Variants in INTS9 observed in about 807,000 individuals in gnomAD.
The protein encoded by INTS9 is integrator complex subunit 9, also known as protein related to CPSF subunits of 74 kDa.
A neutral mutation model predicts 79.7 loss-of-function variants in INTS9; 55 were observed. The observed-to-expected ratio is 0.69, with a 90% CI of 0.56 to 0.86. The LOEUF is 0.86. Among genes scored for constraint, INTS9 ranks in the 40% least tolerant of loss-of-function variants. The probability of loss-of-function intolerance (pLI) is 0.00; values close to 1 mark genes in which losing one functional copy is unlikely to be tolerated. For missense variants in INTS9, 721 were observed against 831.5 expected (o/e 0.87, Z 1.64); for synonymous variants, 319 against 325.2 (o/e 0.98, Z 0.20).
At chr8:28,827,150 T>C (rs1806193885) in intron 6 of INTS9, among the ~76,000 whole-genome samples, 1 of 152,188 alleles carries the variant, frequency 6.6e-6, no homozygotes, top group African/African-American at 2.4e-5. Flanking sequence ...AGGGAACTAG[T>C]TCTGTTTTTT....
intron 1 of INTS9, among the ~76,000 whole-genome samples, chr8:28,863,509 C>G (rs1808564480): frequency 6.6e-6 from 1 of 152,218 alleles, no homozygotes; most frequent in Non-Finnish European, 1.5e-5. Context: ...GGCGTGGTAG[C>G]TCACTCCTGT....
At chr8:28,830,126 AG>A (rs565873581) in intron 6 of INTS9, among the ~76,000 whole-genome samples, 5 of 152,294 alleles carry the variant, frequency 3.3e-5, no homozygotes, top group African/African-American at 1.2e-4. Flanking sequence ...TCCGTGAACT[AG>A]ATAGCAAAAA....
At chr8:28,884,809 C>T (rs1810098893) in intron 1 of INTS9, among the ~76,000 whole-genome samples, 1 of 152,180 alleles carries the variant, frequency 6.6e-6, no homozygotes, top group Non-Finnish European at 1.5e-5. Flanking sequence ...ACAATTTGTA[C>T]TGCAATAGTT....
chr8:28,769,189 CTG>C (rs1563234915), intron 16 of INTS9, among the ~76,000 whole-genome samples: 1 of 152,140 alleles, frequency 6.6e-6, no homozygotes, highest in Non-Finnish European at 1.5e-5. Context: ...AAGTCGGCAA[CTG>C]TGATATTTAC....
rs1162385484 is a variant in INTS9, at chr8:28,865,699, T to C, written c.10-6136A>G. On this transcript the variant is annotated intron_variant, in intron 1 of 16. Transcript: ENST00000521022. ...GGTGTTTTAAGCTGCTATTAAAATA[T>C]TCTCTTTGTTGTTGGTGCTCTGATT... 2.0e-5 allele frequency among the ~76,000 whole-genome samples: 3 copies of C among 152,174 alleles called. 1 individual carries two copies. Among genetic ancestry groups the C allele is most frequent in the Non-Finnish European group, 4.4e-5 (3 of 68,038 alleles).
intron 9 of INTS9, among the ~76,000 whole-genome samples, chr8:28,795,693 C>T (rs1379282529): frequency 1.3e-5 from 2 of 150,540 alleles, no homozygotes; most frequent in African/African-American, 4.9e-5. Flanking sequence ...CCAGAGCTTC[C>T]CCTCTTCTCC....
intron 1 of INTS9, among the ~76,000 whole-genome samples, chr8:28,874,396 T>TA (rs1809262302): frequency 6.6e-6 from 1 of 151,916 alleles, no homozygotes; most frequent in South Asian, 2.1e-4. Flanking sequence ...TTCATGCCAT[T>TA]CTCCTACCTC....
intron 1 of INTS9, 109 bp downstream of exon 1, chr8:28,889,765 A>G: frequency 7.8e-7 from 1 of 1,277,572 alleles, no homozygotes. Context: ...TTCCAGCTCA[A>G]TAATTGCTAC....
Position 28,833,480 on chromosome 8 carries a change from T to C in INTS9, c.488+1812A>G, listed in dbSNP as rs187767097. On this transcript the variant is annotated intron_variant, in intron 6 of 16. Transcript: ENST00000521022. ...ACTAAAAATACAAAAATTAGCTGGG[T>C]GTGGTTGCACACACCTGCAGTCCCA... Among the ~76,000 whole-genome samples the C allele has an allele frequency of 5.6e-3, 856 of 151,540 alleles. 9 individuals carry two copies. Among genetic ancestry groups the C allele is most frequent in the African/African-American group, 0.02 (821 of 41,324 alleles).
At chr8:28,824,203 C>T (rs898611161) in intron 6 of INTS9, among the ~76,000 whole-genome samples, 4 of 152,192 alleles carry the variant, frequency 2.6e-5, no homozygotes, top group Admixed American at 2.0e-4. Context: ...TCGAGTCATC[C>T]TTGCCTACAG....
At chr8:28,805,331 T>C (rs1280917712) in intron 8 of INTS9, among the ~76,000 whole-genome samples, 1 of 152,174 alleles carries the variant, frequency 6.6e-6, no homozygotes, top group Non-Finnish European at 1.5e-5. Context: ...TTTTAATCCA[T>C]CCAAGCTATC....
At chr8:28,825,027 A>T (rs1002622432) in intron 6 of INTS9, among the ~76,000 whole-genome samples, 8 of 152,098 alleles carry the variant, frequency 5.3e-5, no homozygotes, top group African/African-American at 1.9e-4. Context: ...ACTGCAGTGG[A>T]CTCCACCCCA....
intron 12 of INTS9, among the ~76,000 whole-genome samples, chr8:28,779,940 C>A (rs1435718413): frequency 6.6e-6 from 1 of 152,084 alleles, no homozygotes; most frequent in Admixed American, 6.6e-5. Context: ...GTGCCTGGTG[C>A]CCAGAGTGAC....
intron 7 of INTS9, 133 bp downstream of exon 7, chr8:28,813,359 G>A (rs1247015810): frequency 3.4e-6 from 3 of 874,192 alleles, no homozygotes; most frequent in African/African-American, 1.7e-5. Flanking sequence ...CGGAACGGAG[G>A]AAAGAACAGA....
At chr8:28,874,037 C>G (rs1049158326) in intron 1 of INTS9, among the ~76,000 whole-genome samples, 2 of 152,202 alleles carry the variant, frequency 1.3e-5, no homozygotes, top group African/African-American at 4.8e-5. Context: ...TAAAAAATAT[C>G]TTTTCTCCTA....
At chr8:28,874,783 C>A (rs1332377461) in intron 1 of INTS9, among the ~76,000 whole-genome samples, 1 of 152,104 alleles carries the variant, frequency 6.6e-6, no homozygotes, top group Non-Finnish European at 1.5e-5. Flanking sequence ...ATCTGTTGTT[C>A]CAATCAAATA....
intron 6 of INTS9, among the ~76,000 whole-genome samples, chr8:28,813,912 C>T (rs971895940): frequency 1.3e-5 from 2 of 151,994 alleles, no homozygotes; most frequent in Non-Finnish European, 1.5e-5. Context: ...AGGCGCCCAC[C>T]ACCATGCCCG....
At chr8:28,802,092 T>C (rs1371531460) in intron 8 of INTS9, among the ~76,000 whole-genome samples, 1 of 152,206 alleles carries the variant, frequency 6.6e-6, no homozygotes, top group African/African-American at 2.4e-5. Flanking sequence ...CAGTGAAGAA[T>C]AAAACATCAT....
At chr8:28,885,055 C>T (rs1177357827) in intron 1 of INTS9, among the ~76,000 whole-genome samples, 1 of 152,196 alleles carries the variant, frequency 6.6e-6, no homozygotes. Context: ...TACAATTGCA[C>T]TCGGTGTTTT....
Sources: gnomAD v4.1 joint callset for allele counts (sites outside exome capture counted in the v4.1 genomes callset) on GRCh38, gnomAD v4.1.1 for gene constraint, MANE v1.5 for transcripts, NCBI Gene and HGNC (gene_info 2026-07-23, HGNC 2026-07-21) for gene names.